Variants in AQP8 observed in about 807,000 individuals in gnomAD.
The protein encoded by AQP8 is aquaporin 8, also known as aquaporin-8.
Under a neutral mutation model 26.1 loss-of-function variants are expected in AQP8, and 14 were observed. That is an observed-to-expected ratio of 0.54 (90% confidence interval 0.35 to 0.84). AQP8 has a LOEUF of 0.84. AQP8 is among the 40% of genes least tolerant of loss of function. AQP8 has a pLI of 0.01. For synonymous variants in AQP8, 131 were observed against 150.7 expected (o/e 0.87, Z 0.96); for missense variants, 301 against 340.5 (o/e 0.88, Z 0.91).
At chr16:25,222,150 C>T (rs545447948) in intron 3 of AQP8, among the ~76,000 whole-genome samples, 12 of 152,178 alleles carry the variant, frequency 7.9e-5, no homozygotes, top group Non-Finnish European at 1.0e-4. Context: ...ACTGCAGGCT[C>T]GACCTCCTGG....
chr16:25,228,485 C>T lies in AQP8; in HGVS notation c.779C>T (p.Ala260Val), dbSNP rs778496185. 6.2e-7 allele frequency: 1 copy of T among 1,613,922 alleles called. No homozygotes were observed. Among genetic ancestry groups the T allele is most frequent in the Non-Finnish European group, 8.5e-7 (1 of 1,179,944 alleles). ...GDGKTRLILK[A>V]R ...GGGAAGACCCGCCTCATCCTGAAGGCTCGGTGAAGCAGAGCTCGTGGGATT... is the reference window on the plus strand; with the variant it reads ...GGGAAGACCCGCCTCATCCTGAAGGTTCGGTGAAGCAGAGCTCGTGGGATT... The change falls in exon 6 of 6, where the codon GCT (alanine) becomes GTT (valine). Residue 260 changes from alanine to valine, a missense_variant. Ala to Val is a moderately conservative substitution (Grantham distance 64, BLOSUM62 0). Transcript: ENST00000219660.
At chr16:25,219,912 G>A (rs918744640) in intron 2 of AQP8, among the ~76,000 whole-genome samples, 2 of 152,008 alleles carry the variant, frequency 1.3e-5, no homozygotes, top group South Asian at 2.1e-4. Context: ...TGGCAGCCCC[G>A]TTATCCCATC....
chr16:25,217,171 T>C (rs1268757513), intron 1 of AQP8, 27 bp from the exon 2 acceptor site: 1 of 1,613,642 alleles, frequency 6.2e-7, no homozygotes, highest in Non-Finnish European at 8.5e-7. Context: ...CCCACCCGTG[T>C]CCTCTGTCCC....
chr16:25,224,701 AG>A, intron 4 of AQP8, 125 bp downstream of exon 4: 2 of 1,004,742 alleles, frequency 2.0e-6, no homozygotes, highest in Non-Finnish European at 2.9e-6. Context: ...GCAAATGGGG[AG>A]GGGGGCTGGC....
In AQP8 at chr16:25,228,378, G is replaced by A. The variant is rs144619944; in HGVS notation, c.738-66G>A. The A allele has an allele frequency of 6.3e-3, 9,492 of 1,509,480 alleles. 42 individuals are homozygous for A. Among genetic ancestry groups the A allele is most frequent in the Non-Finnish European group, 8.0e-3 (8,711 of 1,085,668 alleles). 93.5% of individuals were successfully genotyped at this position (1,509,480 alleles called of 1,614,324 possible). On this transcript the variant is annotated intron_variant, in intron 5 of 5. Coordinates refer to ENST00000219660, the MANE Select transcript of AQP8 (RefSeq NM_001169.3). Reference sequence around the variant, plus strand: ...ATCTTTCTGGAGACTTCTGAGCCTGGAGACATGACGAAGGGCTGGGTCTCA... The same window carrying A: ...ATCTTTCTGGAGACTTCTGAGCCTGAAGACATGACGAAGGGCTGGGTCTCA...
chr16:25,227,049 G>A lies in AQP8; in HGVS notation c.603-19G>A. On this transcript the variant is annotated intron_variant, in intron 4 of 5. Transcript: ENST00000219660. ...GTTTGGCTGGGATCCTGGTGACCTT[G>A]GTGCCTGGGTGTTTGCAGGGGCCCT... 6.2e-7 allele frequency: 1 copy of A among 1,613,610 alleles called. No individual in the cohort carries two copies. Among genetic ancestry groups the A allele is most frequent in the Non-Finnish European group, 8.5e-7 (1 of 1,179,970 alleles).
chr16:25,222,706 C>T lies in AQP8; in HGVS notation c.387+1123C>T, dbSNP rs111921319. On this transcript the variant is annotated intron_variant, in intron 3 of 5. Coordinates refer to ENST00000219660, the MANE Select transcript of AQP8 (RefSeq NM_001169.3). The stretch of plus-strand genomic sequence containing the variant: ...GGGGTGGTGGATGGGGGAGCTCTGT[C>T]AGCTTGGCTGTGATAGGGTCTGAAG... Among the ~76,000 whole-genome samples, 539 of 152,120 alleles carry T rather than the reference C, an allele frequency of 3.5e-3. 4 individuals carry two copies. Among genetic ancestry groups the T allele is most frequent in the African/African-American group, 0.013 (519 of 41,488 alleles).
intron 4 of AQP8, among the ~76,000 whole-genome samples, chr16:25,225,847 T>C (rs1265100317): frequency 6.6e-6 from 1 of 152,202 alleles, no homozygotes; most frequent in Non-Finnish European, 1.5e-5. Context: ...TGTAGGATTC[T>C]GGGTCTTAAG....
chr16:25,217,481 C>A, intron 2 of AQP8, 36 bp downstream of exon 2: 1 of 1,604,812 alleles, frequency 6.2e-7, no homozygotes, highest in Non-Finnish European at 8.5e-7. Flanking sequence ...CTGATGCTGA[C>A]TTGGGGCACT....
intron 3 of AQP8, among the ~76,000 whole-genome samples, chr16:25,223,319 G>A (rs1437957691): frequency 6.6e-6 from 1 of 152,246 alleles, no homozygotes; most frequent in Non-Finnish European, 1.5e-5. Flanking sequence ...AGGCTTCAGG[G>A]CTCTCCTGCA....
chr16:25,221,249 T>A (rs1322438570), intron 2 of AQP8, among the ~76,000 whole-genome samples: 1 of 152,002 alleles, frequency 6.6e-6, no homozygotes, highest in East Asian at 1.9e-4. Context: ...GGCTTTGGAC[T>A]TAGAGGCTGC....
At chr16:25,225,338 A>G (rs1962616279) in intron 4 of AQP8, among the ~76,000 whole-genome samples, 1 of 152,110 alleles carries the variant, frequency 6.6e-6, no homozygotes, top group Non-Finnish European at 1.5e-5. Flanking sequence ...ACACAGAACC[A>G]AGTCTAACCT....
At chr16:25,220,386 A>T (rs1282754900) in intron 2 of AQP8, among the ~76,000 whole-genome samples, 1 of 152,260 alleles carries the variant, frequency 6.6e-6, no homozygotes, top group Middle Eastern at 3.4e-3. Context: ...TATTTCCTCC[A>T]TCAGAGTGGG....
At chr16:25,225,852 C>T (rs935121549) in intron 4 of AQP8, among the ~76,000 whole-genome samples, 1 of 152,132 alleles carries the variant, frequency 6.6e-6, no homozygotes, top group African/African-American at 2.4e-5. Context: ...GATTCTGGGT[C>T]TTAAGCTTGT....
chr16:25,219,621 C>T (rs778843095), intron 2 of AQP8, among the ~76,000 whole-genome samples: 10 of 151,504 alleles, frequency 6.6e-5, no homozygotes, highest in African/African-American at 9.7e-5. Context: ...CCTGGGAAGC[C>T]GCCTCACCCT....
rs549736576 is a variant in AQP8 at position 25,220,444 on chromosome 16, T to C, written c.261-1013T>C. Among the ~76,000 whole-genome samples the C allele has an allele frequency of 7.9e-5, 12 of 152,288 alleles. No individual in the cohort carries two copies. The East Asian group carries it at 2.3e-3, about 29-fold the overall frequency. On this transcript the variant is annotated intron_variant, in intron 2 of 5. Coordinates refer to ENST00000219660, the MANE Select transcript of AQP8 (RefSeq NM_001169.3). Reference sequence around the variant, plus strand: ...GTGCAGCCACCCTGGCTCTGGGGCCTGGGCTGGTTGAACATCTTGGTGAAC... The same window carrying C: ...GTGCAGCCACCCTGGCTCTGGGGCCCGGGCTGGTTGAACATCTTGGTGAAC...
intron 3 of AQP8, among the ~76,000 whole-genome samples, chr16:25,223,830 C>CTTTTTCT (rs1479480428): frequency 3.0e-4 from 43 of 144,458 alleles, no homozygotes; most frequent in African/African-American, 1.1e-3. Flanking sequence ...TTTTCTTTTT[C>CTTTTTCT]TTTTTTTTTT....
At chr16:25,227,016 G>A (rs1257371644) in intron 4 of AQP8, 52 bp from the exon 5 acceptor site, 2 of 1,611,750 alleles carry the variant, frequency 1.2e-6, no homozygotes, top group East Asian at 2.2e-5. Flanking sequence ...AGTGTGAGGT[G>A]AGGTGGGGTT....
In AQP8 at chr16:25,217,435, G is replaced by C. The variant is rs746856769; in HGVS notation, c.250G>C (p.Gly84Arg). The C allele has an allele frequency of 6.2e-6, 10 of 1,613,904 alleles. No individual in the cohort carries two copies. The Admixed American group carries it at 1.0e-4, about 16-fold the overall frequency. The change falls in exon 2 of 6, where the codon GGG becomes CGG. Residue 84 changes from glycine (G) to arginine (R), a missense_variant. Gly to Arg is a moderately radical substitution (Grantham distance 125). Coordinates refer to ENST00000219660, the MANE Select transcript of AQP8 (RefSeq NM_001169.3). ...TTTGGGGCTCGTGATTGCCACGCTG[G>C]GGAATATCAGGTGAGACCAGCTCTG... ...LALGLVIATL[G>R]NISGGHFNPA...
Sources: gnomAD v4.1 joint callset for allele counts (sites outside exome capture counted in the v4.1 genomes callset) on GRCh38, gnomAD v4.1.1 for gene constraint, MANE v1.5 for transcripts, NCBI Gene and HGNC (gene_info 2026-07-23, HGNC 2026-07-21) for gene names.